Variants in GLIS3 observed in about 807,000 individuals in gnomAD.
GLIS3 encodes the protein zinc finger protein GLIS3.
A neutral mutation model predicts 78.6 loss-of-function variants in GLIS3; 53 were observed. That is an observed-to-expected ratio of 0.67 (90% CI 0.54 to 0.85). GLIS3 has a LOEUF of 0.85. GLIS3 is among the 40% of genes least tolerant of loss of function. GLIS3 has a pLI of 0.00. For synonymous variants in GLIS3, 684 were observed against 509.9 expected (o/e 1.34, Z -4.60); for missense variants, 1,703 against 1,231.1 (o/e 1.38, Z -5.74).
chr9:3,887,632 G>C (rs1254056135), intron 7 of GLIS3, among the ~76,000 whole-genome samples: 1 of 152,226 alleles, frequency 6.6e-6, no homozygotes, highest in African/African-American at 2.4e-5. Context: ...AGCCAGGGAA[G>C]AGGTGTTAGT....
intron 4 of GLIS3, among the ~76,000 whole-genome samples, chr9:4,090,572 G>C (rs1398120000): frequency 6.6e-6 from 1 of 152,128 alleles, no homozygotes; most frequent in Non-Finnish European, 1.5e-5. Context: ...GGACCACCTG[G>C]TCCAAGACAC....
intron 4 of GLIS3, among the ~76,000 whole-genome samples, chr9:4,079,534 G>A (rs1828370930): frequency 6.6e-6 from 1 of 152,140 alleles, no homozygotes; most frequent in African/African-American, 2.4e-5. Context: ...CATCAGCGGA[G>A]GTCAGAGCAG....
At chr9:3,987,774 A>C (rs554769688) in intron 4 of GLIS3, among the ~76,000 whole-genome samples, 36 of 143,178 alleles carry the variant, frequency 2.5e-4, no homozygotes, top group South Asian at 9.1e-4. Flanking sequence ...AAAAAAAAAA[A>C]AAAAAAAAAA....
the GLIS3 span, among the ~76,000 whole-genome samples, chr9:4,409,251 A>G: frequency 6.6e-6 from 1 of 152,170 alleles, no homozygotes; most frequent in South Asian, 2.1e-4. Context: ...CCCTGGAATG[A>G]ACTCTTTTAA....
chr9:4,050,852 AGAG>A (rs1037312579), intron 4 of GLIS3, among the ~76,000 whole-genome samples: 1 of 152,172 alleles, frequency 6.6e-6, no homozygotes, highest in Non-Finnish European at 1.5e-5. Flanking sequence ...CCTCCACGTA[AGAG>A]GAGATAAAAA....
intron 4 of GLIS3, among the ~76,000 whole-genome samples, chr9:4,097,839 C>T (rs937191396): frequency 6.6e-6 from 1 of 152,024 alleles, no homozygotes; most frequent in Non-Finnish European, 1.5e-5. Flanking sequence ...TGGGAAGGCC[C>T]ACTAACCAAT....
intron 4 of GLIS3, among the ~76,000 whole-genome samples, chr9:3,962,699 A>C (rs1237798752): frequency 6.6e-6 from 1 of 152,254 alleles, no homozygotes; most frequent in Admixed American, 6.5e-5. Flanking sequence ...GAGAAACAAG[A>C]GAAAGGGGGG....
intron 1 of GLIS3, among the ~76,000 whole-genome samples, chr9:4,288,245 T>C (rs538192092): frequency 2.0e-5 from 3 of 152,326 alleles, no homozygotes; most frequent in South Asian, 2.1e-4. Context: ...TGGCCATCTA[T>C]TTTCCTCTCA....
At chr9:4,272,398 C>CA (rs901193263) in intron 2 of GLIS3, among the ~76,000 whole-genome samples, 22 of 151,944 alleles carry the variant, frequency 1.4e-4, no homozygotes, top group African/African-American at 4.6e-4. Context: ...CAATCTCTGC[C>CA]AAAAAACAAA....
At chr9:4,042,599 G>A (rs946778015) in intron 4 of GLIS3, among the ~76,000 whole-genome samples, 2 of 152,108 alleles carry the variant, frequency 1.3e-5, no homozygotes, top group Admixed American at 6.5e-5. Flanking sequence ...CTGATTCTGA[G>A]CAATTTATGT....
chr9:3,941,143 C>G (rs930461028), intron 4 of GLIS3, among the ~76,000 whole-genome samples: 10 of 152,184 alleles, frequency 6.6e-5, no homozygotes, highest in African/African-American at 9.7e-5. Context: ...GCCATTCATA[C>G]TGTGATCACT....
At chr9:4,159,993 GATC>G (rs1489807449) in intron 2 of GLIS3, among the ~76,000 whole-genome samples, 1 of 152,146 alleles carries the variant, frequency 6.6e-6, no homozygotes, top group Non-Finnish European at 1.5e-5. Flanking sequence ...TCATCATTGT[GATC>G]ATCATCACCA....
At chr9:4,055,100 C>G (rs1013642426) in intron 4 of GLIS3, among the ~76,000 whole-genome samples, 11 of 152,112 alleles carry the variant, frequency 7.2e-5, no homozygotes, top group African/African-American at 2.7e-4. Context: ...AAGGCAATGC[C>G]TTTTTCATCT....
chr9:4,285,701 C>A (rs7875249), intron 2 of GLIS3: 321,836 of 322,128 alleles, frequency 1, 160,774 homozygotes, highest in Middle Eastern at 1. Context: ...AACAGGGCAG[C>A]GCTACCTGTA....
chr9:4,286,271 G>C lies in GLIS3; in HGVS notation c.155C>G (p.Ala52Gly), dbSNP rs374402805. The C allele has an allele frequency of 1.1e-5, 17 of 1,614,124 alleles. No individual in the cohort carries two copies. Among genetic ancestry groups the C allele is most frequent in the Middle Eastern group, 1.6e-4 (1 of 6,084 alleles). The part of the protein sequence containing the change: ...PCGSTSSPTM[A>G]SLANNLHLKM... Reference sequence around the variant, plus strand: ...GAGATGGAGGTTGTTAGCAAGGCTTGCCATAGTGGGACTCGATGTGCTGCC... The same window carrying C: ...GAGATGGAGGTTGTTAGCAAGGCTTCCCATAGTGGGACTCGATGTGCTGCC... The change falls in exon 2 of 11, where the codon GCA becomes GGA. Residue 52 changes from alanine (A) to glycine (G), a missense_variant. By Grantham distance (60) the Ala-to-Gly change is moderately conservative. Transcript: ENST00000381971.
intron 2 of GLIS3, among the ~76,000 whole-genome samples, chr9:4,190,255 A>G (rs939902457): frequency 9.2e-5 from 14 of 152,270 alleles, no homozygotes; most frequent in African/African-American, 2.9e-4. Context: ...GGAAATTCAA[A>G]CCAAAGGCAA....
intron 4 of GLIS3, among the ~76,000 whole-genome samples, chr9:4,073,443 C>T (rs1269735274): frequency 6.6e-6 from 1 of 152,146 alleles, no homozygotes; most frequent in African/African-American, 2.4e-5. Context: ...TTCATGGGCT[C>T]CCACTTTCTG....
At chr9:3,842,275 C>T (rs1197661214) in intron 9 of GLIS3, among the ~76,000 whole-genome samples, 1 of 152,110 alleles carries the variant, frequency 6.6e-6, no homozygotes, top group Non-Finnish European at 1.5e-5. Context: ...AGTTTGAGAC[C>T]AGCCTGGCCA....
intron 2 of GLIS3, among the ~76,000 whole-genome samples, chr9:4,134,584 T>C (rs1375757671): frequency 6.6e-6 from 1 of 152,174 alleles, no homozygotes; most frequent in Non-Finnish European, 1.5e-5. Flanking sequence ...ACATATATGA[T>C]GTGCCTGCTC....
Sources: gnomAD v4.1 joint callset for allele counts (sites outside exome capture counted in the v4.1 genomes callset) on GRCh38, gnomAD v4.1.1 for gene constraint, MANE v1.5 for transcripts, NCBI Gene and HGNC (gene_info 2026-07-23, HGNC 2026-07-21) for gene names.